KAZN: variants seen among roughly 807,000 people sequenced by gnomAD.
KAZN encodes the protein kazrin, periplakin interacting protein.
KAZN carries 40 observed loss-of-function variants against 87.4 expected under a neutral mutation model. That is an observed-to-expected ratio of 0.46 (90% CI 0.36 to 0.60). KAZN has a LOEUF of 0.60. Ranked by LOEUF, KAZN falls within the 20% of genes least tolerant of loss-of-function variation. The pLI, the probability that KAZN is intolerant of heterozygous loss-of-function variation, is 0.00. For synonymous variants in KAZN, 466 were observed against 458.3 expected (o/e 1.02, Z -0.22); for missense variants, 898 against 1,073.9 (o/e 0.84, Z 2.29).
Position 13,945,710 on chromosome 1 carries a change from T to TGAGAGA in KAZN, c.91+51975_91+51980dup, listed in dbSNP as rs200937986. ...GTGTGTGTGTGTGTGTGTGTGTGTGTGAGAGAGAGAGAGAGAGAGAGAGAG... is the reference window on the plus strand; with the variant it reads ...GTGTGTGTGTGTGTGTGTGTGTGTGTGAGAGAGAGAGAGAGAGAGAGAGAGAGAGAG... On this transcript the variant is annotated intron_variant, in intron 1 of 16. Coordinates refer to the KAZN transcript ENST00000636203. Among the ~76,000 whole-genome samples, 53 of 137,268 alleles carry TGAGAGA rather than the reference T, an allele frequency of 3.9e-4. No homozygotes were observed. In the South Asian group the frequency reaches 4.2e-3, roughly 11 times the overall value. The allele number at this position is 137,268 out of a possible 152,430, so 90.1% of individuals were successfully genotyped here. A position where few individuals can be genotyped will look rare whatever the true frequency, so the allele number is the denominator to read the frequency against.
intron 2 of KAZN, among the ~76,000 whole-genome samples, chr1:14,484,354 C>T (rs1381572234): frequency 1.3e-5 from 2 of 151,808 alleles, no homozygotes; most frequent in African/African-American, 2.4e-5. Flanking sequence ...AGTGTTTACA[C>T]CACCAAAAAA....
At chr1:15,048,116 G>A (rs193146910) in intron 4 of KAZN, among the ~76,000 whole-genome samples, 2 of 152,316 alleles carry the variant, frequency 1.3e-5, no homozygotes, top group African/African-American at 4.8e-5. Context: ...GGGGTGAGCA[G>A]CCCCTCAGGA....
rs538152927 is a variant in KAZN, at chr1:15,093,713, T to C, written c.1223-467T>C. Reference sequence around the variant, plus strand: ...TGTAAAGATAAGCTATCCATTTACATTGCCATGGTGAATTTTAACAGAAAT... The same window carrying C: ...TGTAAAGATAAGCTATCCATTTACACTGCCATGGTGAATTTTAACAGAAAT... On this transcript the variant is annotated intron_variant, in intron 8 of 14. Transcript: ENST00000376030. Among the ~76,000 whole-genome samples the C allele has an allele frequency of 8.5e-5, 13 of 152,306 alleles. No individual in the cohort carries two copies. In the South Asian group the frequency reaches 2.7e-3, roughly 32 times the overall value.
At chr1:13,909,021 A>G (rs1381589693) in intron 1 of KAZN, among the ~76,000 whole-genome samples, 1 of 152,206 alleles carries the variant, frequency 6.6e-6, no homozygotes, top group Non-Finnish European at 1.5e-5. Context: ...TGGTACACGC[A>G]GGTGGGTGAA....
At chr1:14,185,635 C>G (rs575460375) in intron 2 of KAZN, among the ~76,000 whole-genome samples, 2 of 152,118 alleles carry the variant, frequency 1.3e-5, no homozygotes, top group African/African-American at 4.8e-5. Context: ...TAGTTTTGAT[C>G]TTTAAAAGGG....
chr1:14,648,627 T>C (rs1680987796), intron 1 of KAZN, among the ~76,000 whole-genome samples: 1 of 152,122 alleles, frequency 6.6e-6, no homozygotes, highest in Non-Finnish European at 1.5e-5. Context: ...GGATTGGAAC[T>C]TGGACACTTG....
At chr1:14,631,152 C>T (rs1171453123) in intron 1 of KAZN, among the ~76,000 whole-genome samples, 1 of 152,090 alleles carries the variant, frequency 6.6e-6, no homozygotes, top group African/African-American at 2.4e-5. Context: ...CATCAGCATC[C>T]AATCAGAGTG....
intron 2 of KAZN, among the ~76,000 whole-genome samples, chr1:14,214,236 G>GCCTT (rs1553145793): frequency 8.6e-5 from 1 of 11,656 alleles, no homozygotes; most frequent in East Asian, 0.023. Flanking sequence ...CCTCACTCCG[G>GCCTT]CTTTCTTTGG....
chr1:14,691,166 A>G (rs1641265009), intron 1 of KAZN, among the ~76,000 whole-genome samples: 1 of 152,134 alleles, frequency 6.6e-6, no homozygotes, highest in Non-Finnish European at 1.5e-5. Context: ...CTATTGATGG[A>G]TGGCTCGGTA....
chr1:14,131,341 A>C (rs776580954), intron 1 of KAZN, among the ~76,000 whole-genome samples: 1 of 152,148 alleles, frequency 6.6e-6, no homozygotes, highest in African/African-American at 2.4e-5. Flanking sequence ...AGTTGGAAAC[A>C]CTGTCACTGG....
At position 15,115,044 on chromosome 1, in the gene KAZN, G is replaced by T. The variant is rs984666760; in HGVS notation, c.*409G>T. 6.3e-6 allele frequency: 1 copy of T among 159,014 alleles called. No homozygotes were observed. The highest frequency in any genetic ancestry group is 1.4e-5 in the Non-Finnish European group (1 of 72,274). The allele number at this position is 159,014 out of a possible 1,614,324, so 9.9% of individuals were successfully genotyped here. ...ACACCCTTCCGGCGGGAGCAGGGGG[G>T]ACCCCAACCCCACACCCCAGCGCCC... is the stretch of plus-strand genomic sequence containing the variant. On this transcript the variant is annotated 3_prime_UTR_variant, in exon 15 of 15. Transcript: ENST00000376030. This position sits in a 1 kb window ranked among gnomAD's most constrained non-coding sequence, Gnocchi z 4.1.
intron 2 of KAZN, among the ~76,000 whole-genome samples, chr1:14,270,252 G>A (rs1181514011): frequency 2.0e-5 from 3 of 152,190 alleles, no homozygotes; most frequent in African/African-American, 4.8e-5. Context: ...TTGGATCTAC[G>A]GCAGTGGGGC....
At chr1:14,572,352 G>A (rs371425629) in intron 2 of KAZN, among the ~76,000 whole-genome samples, 1 of 152,292 alleles carries the variant, frequency 6.6e-6, no homozygotes, top group East Asian at 1.9e-4. Context: ...AGGTGCTGGC[G>A]TGGGTTCAGA....
At chr1:14,112,822 A>G (rs1007476611) in intron 1 of KAZN, among the ~76,000 whole-genome samples, 1 of 151,922 alleles carries the variant, frequency 6.6e-6, no homozygotes, top group African/African-American at 2.4e-5. Context: ...TTGTCTCTTG[A>G]CCTTTTCCAA....
intron 1 of KAZN, chr1:14,924,398 G>A: frequency 1.0e-6 from 1 of 989,024 alleles, no homozygotes; most frequent in Non-Finnish European, 1.2e-6. Flanking sequence ...GTGGGAGCGC[G>A]TCCGCCAGCT....
intron 2 of KAZN, among the ~76,000 whole-genome samples, chr1:14,419,290 G>A (rs781301562): frequency 3.9e-5 from 6 of 152,244 alleles, no homozygotes; most frequent in East Asian, 1.9e-4. Context: ...GTCATAAAGC[G>A]CAAAAGAAAG....
At chr1:13,967,268 A>G (rs938852711) in intron 1 of KAZN, among the ~76,000 whole-genome samples, 8 of 152,168 alleles carry the variant, frequency 5.3e-5, no homozygotes, top group Non-Finnish European at 1.0e-4. Context: ...GTGTGGACTG[A>G]CTTAAGAGTG....
chr1:14,268,979 A>G (rs1651711936), intron 2 of KAZN, among the ~76,000 whole-genome samples: 1 of 152,218 alleles, frequency 6.6e-6, no homozygotes, highest in Non-Finnish European at 1.5e-5. Context: ...ATGTCTTTCA[A>G]TATGTTTGAG....
chr1:14,712,022 G>A (rs937112803), intron 1 of KAZN, among the ~76,000 whole-genome samples: 3 of 152,260 alleles, frequency 2.0e-5, no homozygotes, highest in Admixed American at 1.3e-4. Flanking sequence ...AATTGAAAAG[G>A]CAAAGAAGCC....
Sources: allele counts gnomAD v4.1 joint callset (sites outside exome capture counted in the v4.1 genomes callset), GRCh38; gene constraint gnomAD v4.1.1; non-coding constraint Gnocchi (gnomAD v3.1); transcripts MANE v1.5; gene names NCBI Gene and HGNC (gene_info 2026-07-23, HGNC 2026-07-21).